EVI2B: variants seen among roughly 807,000 people sequenced by gnomAD.
EVI2B encodes protein EVI2B.
A neutral mutation model predicts 6.6 loss-of-function variants in EVI2B; 4 were observed. The ratio of observed to expected loss-of-function variants is 0.61; its 90% CI spans 0.30 to 1.39. The LOEUF (loss-of-function observed/expected upper bound fraction) is 1.39, where lower values mean the gene tolerates loss of function less well. Ranked by LOEUF, EVI2B falls within the 40% of genes most tolerant of loss-of-function variation. The pLI is 0.08. For synonymous variants in EVI2B, 181 were observed against 186.8 expected, an observed-to-expected ratio of 0.97 and a Z score of 0.25; for missense variants, 484 against 516.6, an observed-to-expected ratio of 0.94 and a Z score of 0.61.
At chr17:31,311,249 G>A (rs536480230) in intron 1 of EVI2B, among the ~76,000 whole-genome samples, 7 of 152,042 alleles carry the variant, frequency 4.6e-5, no homozygotes, top group African/African-American at 1.4e-4. Context: ...CACCGAGCCC[G>A]GCCATAGACA....
rs868808379 is a variant in EVI2B, at chr17:31,305,323, G to A, written c.287C>T (p.Thr96Ile). ...YTSSEKPEAH[T>I]SAGQPLAYNT... Reference sequence around the variant, plus strand: ...GTAGGCAAGTGGTTGTCCAGCAGAAGTATGTGCTTCTGGTTTTTCAGAAGA... The same window carrying A: ...GTAGGCAAGTGGTTGTCCAGCAGAAATATGTGCTTCTGGTTTTTCAGAAGA... Residue 96 changes from threonine (T) to isoleucine (I), a missense_variant, in exon 2 of 2, where the codon ACT becomes ATT. Transcript: ENST00000330927. 3.1e-6 allele frequency: 5 copies of A among 1,614,176 alleles called. No individual in the cohort carries two copies. Among genetic ancestry groups the A allele is most frequent in the African/African-American group, 2.7e-5 (2 of 75,042 alleles).
rs753911904 is a variant in EVI2B at position 31,304,823 on chromosome 17, A to C, written c.787T>G (p.Ser263Ala). 2.5e-6 allele frequency: 4 copies of C among 1,613,906 alleles called. No homozygotes were observed. The highest frequency in any genetic ancestry group is 3.4e-6 in the Non-Finnish European group (4 of 1,179,986). The change falls in exon 2 of 2, where the codon TCC becomes GCC. Residue 263 changes from serine to alanine, a missense_variant. By Grantham distance (99) the Ser-to-Ala change is moderately conservative (BLOSUM62 1). Coordinates refer to ENST00000330927, the MANE Select transcript of EVI2B (RefSeq NM_006495.4). ...CMDNIRENEI[S>A]TKRTSIISLT... ...GAAATGATTGATGTACGTTTTGTGG[A>C]TATTTCATTTTCTCTGATGTTATCC...
chr17:31,313,098 A>G (rs1190063808), intron 1 of EVI2B, among the ~76,000 whole-genome samples: 1 of 152,136 alleles, frequency 6.6e-6, no homozygotes, highest in Non-Finnish European at 1.5e-5. Flanking sequence ...ATTATTAAAT[A>G]TAAAATCTAT....
In EVI2B at chr17:31,309,794, G is replaced by A. The variant is rs115553847; in HGVS notation, c.-21-4164C>T. 4.5e-3 allele frequency among the ~76,000 whole-genome samples: 691 copies of A among 152,300 alleles called. 3 individuals are homozygous for A. Among genetic ancestry groups the A allele is most frequent in the African/African-American group, 0.016 (650 of 41,560 alleles). On this transcript the variant is annotated intron_variant, in intron 1 of 1. Coordinates refer to ENST00000330927, the MANE Select transcript of EVI2B (RefSeq NM_006495.4). ...GATAGGCTCCTATCCTCTACTGTCAGTAGTAAGCTGGTGGAACCCTCCATG... is the reference window on the plus strand; with the variant it reads ...GATAGGCTCCTATCCTCTACTGTCAATAGTAAGCTGGTGGAACCCTCCATG...
rs746430219 is a variant in EVI2B, at chr17:31,304,514, GAGGAGAT to G, written c.1089_1095del (p.Ser364PhefsTer26). The G allele has an allele frequency of 1.2e-6, 2 of 1,614,176 alleles. No homozygotes were observed. The highest frequency in any genetic ancestry group is 1.7e-6 in the Non-Finnish European group (2 of 1,180,014). ...GGGAGACTAGTAGAATCATTTGGAAGAGGAGATACAATTGTCATTGTGGGTTTGTCAG... is the reference window on the plus strand; with the variant it reads ...GGGAGACTAGTAGAATCATTTGGAAGACAATTGTCATTGTGGGTTTGTCAG... On this transcript the variant is annotated frameshift_variant, in exon 2 of 2. Coordinates refer to ENST00000330927, the MANE Select transcript of EVI2B (RefSeq NM_006495.4). LOFTEE classifies it low-confidence loss of function (END_TRUNC).
intron 1 of EVI2B, among the ~76,000 whole-genome samples, chr17:31,308,264 A>C (rs895522463): frequency 6.6e-6 from 1 of 151,830 alleles, no homozygotes; most frequent in African/African-American, 2.4e-5. Flanking sequence ...CATCCTCCCG[A>C]GTAGCTGGGA....
In EVI2B at chr17:31,305,581, A is replaced by G. The variant is rs903105392; in HGVS notation, c.29T>C (p.Leu10Ser). Residue 10 changes from leucine to serine, a missense_variant, in exon 2 of 2, where the codon TTG becomes TCG. Physicochemically the swap from Leu to Ser is moderately radical, Grantham distance 145. Coordinates refer to ENST00000330927, the MANE Select transcript of EVI2B (RefSeq NM_006495.4). ...TGTATTGTTCAGGTGTCCACAAAAC[A>G]AAATTAAGATGAAATATTTGGGATC... MDPKYFILILFCGHLNNTFF... is the reference protein window; with the variant it reads MDPKYFILISFCGHLNNTFF... 3.7e-6 allele frequency: 6 copies of G among 1,613,134 alleles called. No homozygotes were observed. In the African/African-American group the frequency reaches 4.0e-5, roughly 11 times the overall value.
At position 31,304,020 on chromosome 17, in the gene EVI2B, C is replaced by G. The variant is rs1329625625; in HGVS notation, c.*243G>C. 1 of 334,940 alleles carries G rather than the reference C, an allele frequency of 3.0e-6. No homozygotes were observed. Among genetic ancestry groups the G allele is most frequent in the Admixed American group, 4.4e-5 (1 of 22,722 alleles). The allele number at this position is 334,940 out of a possible 1,614,324, so 20.7% of individuals were successfully genotyped here. ...GAGTTCTTAAATTATTGAAACATAC[C>G]ATTTACATATGTAAAATGTACTATA... On this transcript the variant is annotated 3_prime_UTR_variant, in exon 2 of 2. Transcript: ENST00000330927.
intron 1 of EVI2B, among the ~76,000 whole-genome samples, chr17:31,313,143 C>T (rs1003850598): frequency 2.6e-5 from 4 of 151,968 alleles, no homozygotes; most frequent in Admixed American, 6.6e-5. Flanking sequence ...TAATAATAGT[C>T]AAATACCACA....
Position 31,314,047 on chromosome 17 carries a change from A to G in EVI2B, c.-90T>C. On this transcript the variant is annotated 5_prime_UTR_variant, in exon 1 of 2. Transcript: ENST00000330927. ...AACTGGACATTTTGGTGATTTGGCTAAGAAAGGAAAATGGGTGGTTCAATT... is the reference window on the plus strand; with the variant it reads ...AACTGGACATTTTGGTGATTTGGCTGAGAAAGGAAAATGGGTGGTTCAATT... 1 of 398,170 alleles carries G rather than the reference A, an allele frequency of 2.5e-6. No homozygotes were observed. The highest frequency in any genetic ancestry group is 4.4e-6 in the Non-Finnish European group (1 of 225,826). 24.7% of individuals were successfully genotyped at this position (398,170 alleles called of 1,614,324 possible).
In EVI2B at chr17:31,304,745, T is replaced by C; in HGVS notation, c.865A>G (p.Ile289Val). 6.2e-7 allele frequency: 1 copy of C among 1,614,226 alleles called. No homozygotes were observed. Among genetic ancestry groups the C allele is most frequent in the Non-Finnish European group, 8.5e-7 (1 of 1,180,026 alleles). Reference sequence around the variant, plus strand: ...TTTTCACTTGATTCAAACAACTTAATTTCTAAGTCATCTGCTAAAAGTGTG... The same window carrying C: ...TTTTCACTTGATTCAAACAACTTAACTTCTAAGTCATCTGCTAAAAGTGTG... ...KSTLLADDLEIKLFESSENIE... is the reference protein window; with the variant it reads ...KSTLLADDLEVKLFESSENIE... Residue 289 changes from isoleucine (I) to valine (V), a missense_variant, in exon 2 of 2, where the codon ATT (isoleucine) becomes GTT (valine). Ile to Val is a conservative substitution (Grantham distance 29, BLOSUM62 3). Coordinates refer to ENST00000330927, the MANE Select transcript of EVI2B (RefSeq NM_006495.4).
At chr17:31,312,887 C>T (rs574102498) in intron 1 of EVI2B, among the ~76,000 whole-genome samples, 48 of 152,174 alleles carry the variant, frequency 3.2e-4, no homozygotes, top group Non-Finnish European at 5.7e-4. Flanking sequence ...ATTTTACCCA[C>T]AGCAAGCATC....
rs1480297578 is a variant in EVI2B, at chr17:31,305,188, G to A, written c.422C>T (p.Ser141Leu). The change falls in exon 2 of 2, where the codon TCA (serine) becomes TTA (leucine). Residue 141 changes from serine to leucine, a missense_variant. Ser to Leu is a moderately radical substitution (Grantham distance 145). Coordinates refer to ENST00000330927, the MANE Select transcript of EVI2B (RefSeq NM_006495.4). Reference sequence around the variant, plus strand: ...TTGTTGAGTAAAAGTATAGACAAATGACTTTGGTGGTTGTGTGGTAGAAGT... The same window carrying A: ...TTGTTGAGTAAAAGTATAGACAAATAACTTTGGTGGTTGTGTGGTAGAAGT... ...ARTSTTQPPK[S>L]FVYTFTQQSS... is the part of the protein sequence containing the mutation. The A allele has an allele frequency of 7.4e-6, 12 of 1,614,172 alleles. No homozygotes were observed. The highest frequency in any genetic ancestry group is 9.3e-6 in the Non-Finnish European group (11 of 1,180,022).
Position 31,305,215 on chromosome 17 carries a change from C to G in EVI2B, c.395G>C (p.Arg132Pro), listed in dbSNP as rs572332677. Residue 132 changes from arginine (R) to proline (P), a missense_variant, in exon 2 of 2, where the codon CGT (arginine) becomes CCT (proline). Transcript: ENST00000330927. ...CTTTGGTGGTTGTGTGGTAGAAGTA[C>G]GGGCAGATGGTAGTTGTCTGGCAGA... ...FTSARQLPSA[R>P]TSTTQPPKSF... 2 of 1,613,920 alleles carry G rather than the reference C, an allele frequency of 1.2e-6. No homozygotes were observed. The highest frequency in any genetic ancestry group is 3.3e-5 in the Admixed American group (2 of 59,986).
chr17:31,307,768 C>T (rs2068763015), intron 1 of EVI2B: 1 of 593,902 alleles, frequency 1.7e-6, no homozygotes, highest in African/African-American at 1.9e-5. Context: ...AATAGAAAAT[C>T]TTAGGGTGTT....
intron 1 of EVI2B, among the ~76,000 whole-genome samples, chr17:31,309,667 A>G (rs1201628249): frequency 6.6e-6 from 1 of 152,242 alleles, no homozygotes; most frequent in Non-Finnish European, 1.5e-5. Context: ...TAAGGAAACC[A>G]TACGGTTCCT....
chr17:31,312,541 G>A (rs1481188280), intron 1 of EVI2B, among the ~76,000 whole-genome samples: 1 of 150,982 alleles, frequency 6.6e-6, no homozygotes, highest in African/African-American at 2.4e-5. Flanking sequence ...AAAAAGTATG[G>A]GATTCTATGA....
intron 1 of EVI2B, among the ~76,000 whole-genome samples, chr17:31,312,932 C>G (rs996561453): frequency 6.6e-6 from 1 of 152,048 alleles, no homozygotes. Context: ...ATTGTTTATT[C>G]TATAGGTTTC....
At chr17:31,313,634 A>T (rs2151520098) in intron 1 of EVI2B, among the ~76,000 whole-genome samples, 1 of 149,704 alleles carries the variant, frequency 6.7e-6, no homozygotes, top group South Asian at 2.1e-4. Flanking sequence ...TGAACCCAGG[A>T]GGTGGAGGTT....
Sources: allele counts gnomAD v4.1 joint callset (sites outside exome capture counted in the v4.1 genomes callset), GRCh38; gene constraint gnomAD v4.1.1; transcripts MANE v1.5; gene names NCBI Gene and HGNC (gene_info 2026-07-23, HGNC 2026-07-21).